Variants in GTF3C1 observed in about 807,000 individuals in gnomAD.
GTF3C1 encodes general transcription factor IIIC subunit 1, also known as general transcription factor 3C polypeptide 1.
In GTF3C1, 57 loss-of-function variants were observed where a neutral mutation model predicts 226.7. The observed-to-expected ratio is 0.25, with a 90% CI of 0.20 to 0.31. GTF3C1 has a LOEUF of 0.31. GTF3C1 is among the 10% of genes least tolerant of loss of function. The pLI, the probability that GTF3C1 is intolerant of heterozygous loss-of-function variation, is 1.00. For missense variants in GTF3C1, 2,217 were observed against 2,776.1 expected (o/e 0.80, Z 4.53); for synonymous variants, 1,090 against 1,084.8 (o/e 1.00, Z -0.09).
chr16:27,542,994 A>T (rs751352009), intron 2 of GTF3C1, among the ~76,000 whole-genome samples: 6 of 152,240 alleles, frequency 3.9e-5, no homozygotes, highest in Admixed American at 1.3e-4. Context: ...AAGGAGAGTG[A>T]TGACCACACT....
Position 27,462,027 on chromosome 16 carries a change from C to T in GTF3C1, c.6117+267G>A. The T allele has an allele frequency of 2.1e-6, 1 of 485,718 alleles. No individual in the cohort carries two copies. The highest frequency in any genetic ancestry group is 3.4e-5 in the Admixed American group (1 of 29,796). The allele number at this position is 485,718 out of a possible 1,614,324, so 30.1% of individuals were successfully genotyped here. A position where few individuals can be genotyped will look rare whatever the true frequency, so the allele number is the denominator to read the frequency against. On this transcript the variant is annotated intron_variant, in intron 36 of 36. Transcript: ENST00000356183. This position sits in a 1 kb window ranked among gnomAD's most constrained non-coding sequence, Gnocchi z 4.5. ...TGCTTGACCCGTGGGGCCCGGCGGA[C>T]TCATGAGTTAGTGACCCCTGGCACA...
chr16:27,534,996 T>C (rs571554865), intron 4 of GTF3C1, among the ~76,000 whole-genome samples: 1 of 152,300 alleles, frequency 6.6e-6, no homozygotes, highest in African/African-American at 2.4e-5. Context: ...GGTATGTCAT[T>C]GATGCATAAA....
chr16:27,514,534 T>C (rs2088627120), intron 6 of GTF3C1, among the ~76,000 whole-genome samples: 1 of 151,586 alleles, frequency 6.6e-6, no homozygotes, highest in Non-Finnish European at 1.5e-5. Flanking sequence ...ACCATGCCAT[T>C]CCCCCCTAGA....
Position 27,470,080 on chromosome 16 carries a change from C to T in GTF3C1, c.4814+28G>A. On this transcript the variant is annotated intron_variant, in intron 31 of 36. Transcript: ENST00000356183. The surrounding 1 kb of genome is among the most constrained non-coding windows in gnomAD (Gnocchi z 4.9). Reference sequence around the variant, plus strand: ...GGCCAATGCCTAGCACGTGGCCAGACCTGATGCTGCGGATGCCGGACTCTT... The same window carrying T: ...GGCCAATGCCTAGCACGTGGCCAGATCTGATGCTGCGGATGCCGGACTCTT... 6.3e-7 allele frequency: 1 copy of T among 1,597,600 alleles called. No individual in the cohort carries two copies. Among genetic ancestry groups the T allele is most frequent in the Non-Finnish European group, 8.6e-7 (1 of 1,168,662 alleles).
rs199664781 is a variant in GTF3C1, at chr16:27,471,968, G to A, written c.4354-48C>T. 5.2e-3 allele frequency: 8,025 copies of A among 1,557,442 alleles called. 60 individuals carry two copies. The highest frequency in any genetic ancestry group is 5.6e-3 in the Non-Finnish European group (6,307 of 1,130,362). On this transcript the variant is annotated intron_variant, in intron 29 of 36. Coordinates refer to ENST00000356183, the MANE Select transcript of GTF3C1 (RefSeq NM_001520.4). The surrounding 1 kb of genome is among the most constrained non-coding windows in gnomAD (Gnocchi z 5.0). ...TGAGTAGGGTTCTCCAGCCGGCCACGGAGAGGGCTGGGGTATGTGGAGGCA... is the reference window on the plus strand; with the variant it reads ...TGAGTAGGGTTCTCCAGCCGGCCACAGAGAGGGCTGGGGTATGTGGAGGCA...
intron 10 of GTF3C1, among the ~76,000 whole-genome samples, chr16:27,503,324 A>C (rs1192815977): frequency 1.3e-5 from 2 of 152,336 alleles, no homozygotes; most frequent in African/African-American, 4.8e-5. Flanking sequence ...CCCATACAGG[A>C]ATGGAAGAAA....
Position 27,463,989 on chromosome 16 carries a change from G to C in GTF3C1, c.5872+331C>G, listed in dbSNP as rs2087743885. 2.4e-6 allele frequency: 1 copy of C among 417,932 alleles called. No individual in the cohort carries two copies. The highest frequency in any genetic ancestry group is 4.2e-6 in the Non-Finnish European group (1 of 238,178). The allele number at this position is 417,932 out of a possible 1,614,324, so 25.9% of individuals were successfully genotyped here. On this transcript the variant is annotated intron_variant, in intron 34 of 36. Transcript: ENST00000356183. This position sits in a 1 kb window ranked among gnomAD's most constrained non-coding sequence, Gnocchi z 4.9. ...GATGACAGACGTGCAGGAAAGGAAA[G>C]GGCGTGCTGCCACCCGAGGAAGTTG...
Position 27,462,385 on chromosome 16 carries a change from T to C in GTF3C1, c.6026A>G (p.His2009Arg). 2 of 1,606,410 alleles carry C rather than the reference T, an allele frequency of 1.2e-6. No individual in the cohort carries two copies. Among genetic ancestry groups the C allele is most frequent in the Non-Finnish European group, 1.7e-6 (2 of 1,176,494 alleles). Residue 2009 changes from histidine (H) to arginine (R), a missense_variant, in exon 36 of 37, where the codon CAC (histidine) becomes CGC (arginine). Transcript: ENST00000356183. This position sits in a 1 kb window ranked among gnomAD's most constrained non-coding sequence, Gnocchi z 4.5. ...CKGMMEAMLY[H>R]IMTRPGIPES... ...GGGGATGCCAGGCCTGGTCATGATG[T>C]GGTACAGCATGGCCTCCATCATACC... is the stretch of plus-strand genomic sequence containing the variant.
intron 1 of GTF3C1, among the ~76,000 whole-genome samples, chr16:27,545,860 T>G (rs895437357): frequency 3.9e-5 from 6 of 152,150 alleles, no homozygotes; most frequent in Non-Finnish European, 5.9e-5. Context: ...TTTCCTCCGC[T>G]TTTTTGAGAT....
chr16:27,463,671 C>T lies in GTF3C1; in HGVS notation c.5873-79G>A, dbSNP rs2087738301. The T allele has an allele frequency of 2.4e-6, 2 of 828,976 alleles. No homozygotes were observed. Among genetic ancestry groups the T allele is most frequent in the Admixed American group, 3.4e-5 (2 of 58,378 alleles). The allele number at this position is 828,976 out of a possible 1,614,324, so 51.4% of individuals were successfully genotyped here. On this transcript the variant is annotated intron_variant, in intron 34 of 36. Coordinates refer to ENST00000356183, the MANE Select transcript of GTF3C1 (RefSeq NM_001520.4). This position sits in a 1 kb window ranked among gnomAD's most constrained non-coding sequence, Gnocchi z 4.9. ...CTGCCCTCCAACCTTCAGCATGGTACCTAGCATGAGCAGGGCACCTCGAGG... is the reference window on the plus strand; with the variant it reads ...CTGCCCTCCAACCTTCAGCATGGTATCTAGCATGAGCAGGGCACCTCGAGG...
At chr16:27,499,871 G>A (rs2088379071) in intron 12 of GTF3C1, among the ~76,000 whole-genome samples, 1 of 152,232 alleles carries the variant, frequency 6.6e-6, no homozygotes, top group Non-Finnish European at 1.5e-5. Context: ...CACATGCTCT[G>A]GGTGCCAGAG....
chr16:27,500,880 G>A (rs893678931), intron 12 of GTF3C1, among the ~76,000 whole-genome samples: 2 of 152,202 alleles, frequency 1.3e-5, no homozygotes, highest in African/African-American at 2.4e-5. Flanking sequence ...CCACCTAAAT[G>A]TTATTTCATT....
At position 27,506,122 on chromosome 16, in the gene GTF3C1, GT is replaced by G. The variant is rs1203873671; in HGVS notation, c.1553-7del. On this transcript the variant is annotated splice_region_variant and splice_polypyrimidine_tract_variant and intron_variant, in intron 9 of 36. Coordinates refer to ENST00000356183, the MANE Select transcript of GTF3C1 (RefSeq NM_001520.4). ...GTTTACAACTTTCCACCCACCTGTG[GT>G]GGAGGGAAGAGATAGAACAAATCAA... 2 of 1,560,414 alleles carry G rather than the reference GT, an allele frequency of 1.3e-6. No homozygotes were observed. Among genetic ancestry groups the G allele is most frequent in the East Asian group, 4.5e-5 (2 of 44,630 alleles).
chr16:27,503,054 C>T, intron 10 of GTF3C1, 59 bp from the exon 11 acceptor site: 2 of 1,381,154 alleles, frequency 1.4e-6, no homozygotes, highest in Non-Finnish European at 2.1e-6. Context: ...GGGGGCCACG[C>T]ACCACACCTG....
At position 27,549,746 on chromosome 16, in the gene GTF3C1, G is replaced by A. The variant is rs2089251208; in HGVS notation, c.145C>T (p.Arg49Trp). The change falls in exon 1 of 37, where the codon CGG (arginine) becomes TGG (tryptophan). Residue 49 changes from arginine (R) to tryptophan (W), a missense_variant. By Grantham distance (101) the Arg-to-Trp change is moderately radical (BLOSUM62 -3). Coordinates refer to ENST00000356183, the MANE Select transcript of GTF3C1 (RefSeq NM_001520.4). Reference sequence around the variant, plus strand: ...ATGCCCGGGTGCGTGGCGAGGGCCCGCCAGAGAAACTCCTGCGTGCAGGGT... The same window carrying A: ...ATGCCCGGGTGCGTGGCGAGGGCCCACCAGAGAAACTCCTGCGTGCAGGGT... The part of the protein sequence containing the change: ...LEPCTQEFLW[R>W]ALATHPGISF... 1 of 1,610,418 alleles carries A rather than the reference G, an allele frequency of 6.2e-7. No individual in the cohort carries two copies. The highest frequency in any genetic ancestry group is 8.5e-7 in the Non-Finnish European group (1 of 1,178,910).
At chr16:27,467,358 G>A (rs568343069) in intron 32 of GTF3C1, among the ~76,000 whole-genome samples, 2 of 152,268 alleles carry the variant, frequency 1.3e-5, no homozygotes, top group African/African-American at 4.8e-5. Context: ...TTTACAATGT[G>A]GCTTACTGAA....
intron 4 of GTF3C1, among the ~76,000 whole-genome samples, chr16:27,533,709 C>G (rs2088956502): frequency 6.6e-6 from 1 of 152,188 alleles, no homozygotes; most frequent in African/African-American, 2.4e-5. Flanking sequence ...GGAAGTATCA[C>G]ACATATCTTC....
rs145941827 is a variant in GTF3C1 at position 27,545,097 on chromosome 16, C to T, written c.431+217G>A. Among the ~76,000 whole-genome samples, 37 of 152,154 alleles carry T rather than the reference C, an allele frequency of 2.4e-4. 1 individual carries two copies. In the East Asian group the frequency reaches 7.2e-3, roughly 29 times the overall value. The stretch of plus-strand genomic sequence containing the variant: ...GTTCAAGTGATTCTCATGCCTCAGC[C>T]ACTACAGTAGCTGGGATTATGGGCA... On this transcript the variant is annotated intron_variant, in intron 2 of 36. Transcript: ENST00000356183.
chr16:27,538,977 C>CATAT (rs1165022673), intron 2 of GTF3C1, among the ~76,000 whole-genome samples: 12 of 143,098 alleles, frequency 8.4e-5, no homozygotes, highest in African/African-American at 3.0e-4. Flanking sequence ...CATATACACA[C>CATAT]ACACACACAC....
Sources: allele counts gnomAD v4.1 joint callset (sites outside exome capture counted in the v4.1 genomes callset), GRCh38; gene constraint gnomAD v4.1.1; non-coding constraint Gnocchi (gnomAD v3.1); transcripts MANE v1.5; gene names NCBI Gene and HGNC (gene_info 2026-07-23, HGNC 2026-07-21).